The following PCDHGB6 variants were observed in gnomAD, a reference collection of about 807,000 sequenced individuals.
PCDHGB6 encodes protocadherin gamma subfamily B, 6.
In PCDHGB6, 51 loss-of-function variants were observed where a neutral mutation model predicts 59.1. That is an observed-to-expected ratio of 0.86 (90% confidence interval 0.69 to 1.09). The LOEUF (loss-of-function observed/expected upper bound fraction) is 1.09. Ranked by LOEUF, PCDHGB6 falls within the 50% of genes least tolerant of loss-of-function variation. The probability of loss-of-function intolerance (pLI) is 0.00; values close to 1 mark genes in which losing one functional copy is unlikely to be tolerated. For synonymous variants in PCDHGB6, 466 were observed against 495.1 expected (o/e 0.94, Z 0.78); for missense variants, 1,148 against 1,205.1 (o/e 0.95, Z 0.70).
Position 141,491,992 on chromosome 5 carries a change from T to G in PCDHGB6, c.2419-2815T>G. ...GGCCTCCTTCGAGCTTCCGGTGAAT[T>G]TCGGGCGATTTCCGCGGGTGTCGGG... On this transcript the variant is annotated intron_variant, in intron 1 of 3. Transcript: ENST00000520790. This position sits in a 1 kb window ranked among gnomAD's most constrained non-coding sequence, Gnocchi z 6.9. The G allele has an allele frequency of 1.5e-6, 1 of 684,982 alleles. No homozygotes were observed. The highest frequency in any genetic ancestry group is 2.3e-6 in the Non-Finnish European group (1 of 443,370). The allele number at this position is 684,982 out of a possible 1,614,324, so 42.4% of individuals were successfully genotyped here.
intron 1 of PCDHGB6, chr5:141,415,349 A>G (rs921019257): frequency 1.2e-6 from 2 of 1,614,220 alleles, no homozygotes; most frequent in Non-Finnish European, 1.7e-6. Flanking sequence ...CGCTGGCACA[A>G]GTCACGCCTG....
At chr5:141,437,197 G>A (rs535640562) in intron 1 of PCDHGB6, among the ~76,000 whole-genome samples, 69 of 152,330 alleles carry the variant, frequency 4.5e-4, no homozygotes, top group Non-Finnish European at 7.8e-4. Flanking sequence ...GGGTTTGGAT[G>A]TGTTTACATT....
Position 141,431,479 on chromosome 5 carries a change from A to T in PCDHGB6, c.2418+20859A>T. 1 of 1,613,892 alleles carries T rather than the reference A, an allele frequency of 6.2e-7. No individual in the cohort carries two copies. Among genetic ancestry groups the T allele is most frequent in the South Asian group, 1.1e-5 (1 of 91,092 alleles). On this transcript the variant is annotated intron_variant, in intron 1 of 3. Transcript: ENST00000520790. This position sits in a 1 kb window ranked among gnomAD's most constrained non-coding sequence, Gnocchi z 4.8. ...TTCTGGATGCGAACGACAACGCACC[A>T]GCGTTTGCTCAGCCCGAGTACCGCG...
At chr5:141,415,258 C>G (rs1228702476) in intron 1 of PCDHGB6, 1 of 1,614,214 alleles carries the variant, frequency 6.2e-7, no homozygotes, top group Non-Finnish European at 8.5e-7. Context: ...AGACCTCACT[C>G]TGTACCTGGT....
chr5:141,470,113 A>C (rs1209326739), intron 1 of PCDHGB6, among the ~76,000 whole-genome samples: 1 of 152,126 alleles, frequency 6.6e-6, no homozygotes, highest in Non-Finnish European at 1.5e-5. Context: ...TGAGCAACAG[A>C]GCAAGACTTC....
chr5:141,500,498 C>T (rs1487770160), intron 2 of PCDHGB6, among the ~76,000 whole-genome samples: 5 of 152,120 alleles, frequency 3.3e-5, no homozygotes, highest in African/African-American at 7.2e-5. Context: ...CGTGAGCCAC[C>T]GCGCCTGGCC....
At chr5:141,441,680 C>T in intron 1 of PCDHGB6, 1 of 295,840 alleles carries the variant, frequency 3.4e-6, no homozygotes, top group South Asian at 2.8e-5. Context: ...GCGCCTTCGA[C>T]CAAGAGCAGC....
chr5:141,480,265 A>G (rs1041908141), intron 1 of PCDHGB6, among the ~76,000 whole-genome samples: 2 of 151,784 alleles, frequency 1.3e-5, no homozygotes, highest in African/African-American at 2.4e-5. Context: ...ATGTGTTTTC[A>G]TTAGCTGGGT....
Position 141,477,827 on chromosome 5 carries a change from C to T in PCDHGB6, c.2419-16980C>T, listed in dbSNP as rs2099419143. On this transcript the variant is annotated intron_variant, in intron 1 of 3. Coordinates refer to ENST00000520790, the MANE Select transcript of PCDHGB6 (RefSeq NM_018926.3). The surrounding 1 kb of genome is among the most constrained non-coding windows in gnomAD (Gnocchi z 4.9). ...CAATGCCCCCCAGGTCCTATATCCT[C>T]GGCCAGGTGGGAGCTCGGTGGAGAT... The T allele has an allele frequency of 1.2e-6, 2 of 1,614,038 alleles. No individual in the cohort carries two copies. Among genetic ancestry groups the T allele is most frequent in the African/African-American group, 1.3e-5 (1 of 74,928 alleles).
intron 1 of PCDHGB6, among the ~76,000 whole-genome samples, chr5:141,482,141 A>C (rs1302783884): frequency 6.6e-6 from 1 of 152,116 alleles, no homozygotes; most frequent in African/African-American, 2.4e-5. Flanking sequence ...GCTGGCATAA[A>C]AAGGTCAAGT....
chr5:141,505,925 C>T (rs1161562658), intron 3 of PCDHGB6, among the ~76,000 whole-genome samples: 4 of 152,140 alleles, frequency 2.6e-5, no homozygotes, highest in Admixed American at 1.3e-4. Context: ...CTGGGCCTGG[C>T]GCTTGGAAGC....
At chr5:141,488,236 T>G (rs1333427955) in intron 1 of PCDHGB6, among the ~76,000 whole-genome samples, 2 of 152,154 alleles carry the variant, frequency 1.3e-5, no homozygotes, top group Non-Finnish European at 2.9e-5. Context: ...TTGAACTAGA[T>G]GCGGTAAATT....
chr5:141,484,709 C>G (rs1223957454), intron 1 of PCDHGB6, among the ~76,000 whole-genome samples: 1 of 151,072 alleles, frequency 6.6e-6, no homozygotes, highest in Non-Finnish European at 1.5e-5. Context: ...TTTTCCCCGC[C>G]GAAAAGGGGC....
intron 1 of PCDHGB6, among the ~76,000 whole-genome samples, chr5:141,461,968 C>A (rs2099027589): frequency 6.6e-6 from 1 of 152,204 alleles, no homozygotes; most frequent in African/African-American, 2.4e-5. Context: ...GGATTCCAGG[C>A]ATATGCCACC....
Position 141,486,954 on chromosome 5 carries a change from C to T in PCDHGB6, c.2419-7853C>T, listed in dbSNP as rs764632268. 3.7e-6 allele frequency: 6 copies of T among 1,614,114 alleles called. 1 individual carries two copies. The South Asian group carries it at 6.6e-5, about 18-fold the overall frequency. On this transcript the variant is annotated intron_variant, in intron 1 of 3. Coordinates refer to ENST00000520790, the MANE Select transcript of PCDHGB6 (RefSeq NM_018926.3). The surrounding 1 kb of genome is among the most constrained non-coding windows in gnomAD (Gnocchi z 5.0). ...GCTGGCCACCTAATCACAAAGGTGA[C>T]TGCTGTGGACTTGGATTCAGGTTAC...
rs2098293800 is a variant in PCDHGB6 at position 141,442,043 on chromosome 5, A to G, written c.2418+31423A>G. The G allele has an allele frequency of 1.9e-5, 4 of 205,506 alleles. No homozygotes were observed. In the South Asian group the frequency reaches 2.4e-4, roughly 12 times the overall value. The allele number at this position is 205,506 out of a possible 1,614,324, so 12.7% of individuals were successfully genotyped here. A position where few individuals can be genotyped will look rare whatever the true frequency, so the allele number is the denominator to read the frequency against. On this transcript the variant is annotated intron_variant, in intron 1 of 3. Transcript: ENST00000520790. ...ACAGGAAAGCGACTCGCCAGCGCCTACTGGTCGCGGTGCACTGCGGTGGAC... is the reference window on the plus strand; with the variant it reads ...ACAGGAAAGCGACTCGCCAGCGCCTGCTGGTCGCGGTGCACTGCGGTGGAC...
In PCDHGB6 at chr5:141,431,150, C is replaced by A. The variant is rs1007532359; in HGVS notation, c.2418+20530C>A. On this transcript the variant is annotated intron_variant, in intron 1 of 3. Transcript: ENST00000520790. The surrounding 1 kb of genome is among the most constrained non-coding windows in gnomAD (Gnocchi z 4.8). ...AGTAAGGGACATTAACGACAATGCGCCTTACTTTCGTGAAAGTGAATTAGA... is the reference window on the plus strand; with the variant it reads ...AGTAAGGGACATTAACGACAATGCGACTTACTTTCGTGAAAGTGAATTAGA... The A allele has an allele frequency of 1.2e-6, 2 of 1,614,226 alleles. No individual in the cohort carries two copies. The highest frequency in any genetic ancestry group is 1.7e-6 in the Non-Finnish European group (2 of 1,180,030).
rs775668669 is a variant in PCDHGB6, at chr5:141,409,912, C to T, written c.1710C>T (p.Asp570=). 5 of 1,613,180 alleles carry T rather than the reference C, an allele frequency of 3.1e-6. No individual in the cohort carries two copies. Among genetic ancestry groups the T allele is most frequent in the Non-Finnish European group, 2.5e-6 (3 of 1,179,738 alleles). ...PRVLYPALGP[D]GSAFFDMVPR... is the part of the protein sequence containing the mutation. ...TGCTGTACCCAGCTCTGGGTCCTGA[C>T]GGCTCCGCGTTCTTCGATATGGTAC... Residue 570 remains aspartate (D), a synonymous_variant, in exon 1 of 4, where the codon GAC becomes GAT. Transcript: ENST00000520790.
At chr5:141,421,941 T>C (rs186605459) in intron 1 of PCDHGB6, 2 of 1,613,456 alleles carry the variant, frequency 1.2e-6, no homozygotes, top group East Asian at 4.5e-5. Context: ...ATGTAAATGA[T>C]CACATCCCAA....
Sources: gnomAD v4.1 joint callset for allele counts (sites outside exome capture counted in the v4.1 genomes callset) on GRCh38, gnomAD v4.1.1 for gene constraint, Gnocchi (gnomAD v3.1) non-coding constraint, MANE v1.5 for transcripts, NCBI Gene and HGNC (gene_info 2026-07-23, HGNC 2026-07-21) for gene names.